The following PI4KA variants were observed in gnomAD, a reference collection of about 807,000 sequenced individuals.
The protein encoded by PI4KA is phosphatidylinositol 4-kinase alpha, also known as PI4-kinase alpha.
PI4KA carries 122 observed loss-of-function variants against 271.4 expected under a neutral mutation model. That is an observed-to-expected ratio of 0.45 (90% CI 0.39 to 0.52). PI4KA has a LOEUF of 0.52. Ranked by LOEUF, PI4KA falls within the 20% of genes least tolerant of loss-of-function variation. The pLI is 0.00. For synonymous variants in PI4KA, 1,041 were observed against 1,078.8 expected (o/e 0.96, Z 0.69); for missense variants, 1,969 against 2,769.1 (o/e 0.71, Z 6.48).
intron 1 of PI4KA, among the ~76,000 whole-genome samples, chr22:20,848,559 A>C (rs551951379): frequency 2.6e-5 from 4 of 152,200 alleles, no homozygotes; most frequent in Non-Finnish European, 5.9e-5. Flanking sequence ...ATTTTTGACA[A>C]GGGTTCCAGG....
At chr22:20,835,844 C>T (rs1313030402) in intron 2 of PI4KA, among the ~76,000 whole-genome samples, 2 of 151,984 alleles carry the variant, frequency 1.3e-5, no homozygotes, top group South Asian at 2.1e-4. Flanking sequence ...GTCAGGAGAT[C>T]GAGACCATCC....
At chr22:20,833,142 AT>A (rs1924405447) in intron 3 of PI4KA, among the ~76,000 whole-genome samples, 1 of 151,812 alleles carries the variant, frequency 6.6e-6, no homozygotes, top group Admixed American at 6.6e-5. Context: ...TTTCTGACAG[AT>A]TTTTGGGGGA....
Position 20,798,610 on chromosome 22 carries a change from G to T in PI4KA, c.2082C>A (p.Thr694=). 6.2e-7 allele frequency: 1 copy of T among 1,612,140 alleles called. No individual in the cohort carries two copies. The highest frequency in any genetic ancestry group is 8.5e-7 in the Non-Finnish European group (1 of 1,178,206). ...TATAGCCGTGGTCCTTGTAATCTTT[G>T]GTGGCTGAGTATACAACGGAGCTGG... ...VKASSVVYSA[T]KDYKDHGYRH... Residue 694 remains threonine (T), a synonymous_variant, in exon 17 of 55, where the codon ACC becomes ACA. Transcript: ENST00000255882.
At chr22:20,779,073 A>G in intron 19 of PI4KA, 1 of 1,028,028 alleles carries the variant, frequency 9.7e-7, no homozygotes. Context: ...GATTTTCATC[A>G]AGGGGCCCAC....
chr22:20,743,305 T>C (rs2147290192), intron 30 of PI4KA, among the ~76,000 whole-genome samples: 1 of 152,186 alleles, frequency 6.6e-6, no homozygotes, highest in Non-Finnish European at 1.5e-5. Flanking sequence ...CCACCACGCC[T>C]GGCTAATTTT....
chr22:20,744,777 T>C, intron 29 of PI4KA, 57 bp from the exon 30 acceptor site: 1 of 1,409,676 alleles, frequency 7.1e-7, no homozygotes, highest in South Asian at 1.2e-5. Flanking sequence ...TCCTCGTGTT[T>C]ACCATGGCTA....
chr22:20,798,356 A>G, intron 17 of PI4KA: 1 of 516,494 alleles, frequency 1.9e-6, no homozygotes. Flanking sequence ...CATGGGCCCA[A>G]TCAGAAGGAG....
chr22:20,833,839 T>C (rs1057461415), intron 3 of PI4KA, among the ~76,000 whole-genome samples: 24 of 151,924 alleles, frequency 1.6e-4, no homozygotes, highest in Non-Finnish European at 3.2e-4. Flanking sequence ...TTTGTACTTT[T>C]AGTAGAGATA....
At position 20,721,350 on chromosome 22, in the gene PI4KA, G is replaced by A; in HGVS notation, c.5064C>T (p.Ile1688=). Residue 1688 remains isoleucine (I), a synonymous_variant, in exon 43 of 55, where the codon ATC becomes ATT. Coordinates refer to ENST00000255882, the MANE Select transcript of PI4KA (RefSeq NM_058004.4). ...SKSQLLAHQF[I]WNMKTNIYLD... The stretch of plus-strand genomic sequence containing the variant: ...GATAAATGTTAGTCTTCATGTTCCA[G>A]ATGAACTGGTGTGCCAGAAGCTGGG... 6.2e-7 allele frequency: 1 copy of A among 1,613,892 alleles called. No individual in the cohort carries two copies. Among genetic ancestry groups the A allele is most frequent in the Non-Finnish European group, 8.5e-7 (1 of 1,179,770 alleles).
intron 19 of PI4KA, among the ~76,000 whole-genome samples, chr22:20,791,657 C>G (rs1022114057): frequency 6.6e-6 from 1 of 151,894 alleles, no homozygotes; most frequent in African/African-American, 2.4e-5. Context: ...ACTTGGAAGG[C>G]TGAGGTGGGA....
At chr22:20,802,148 A>G in intron 13 of PI4KA, 43 bp from the exon 14 acceptor site, 3 of 1,570,904 alleles carry the variant, frequency 1.9e-6, no homozygotes, top group Non-Finnish European at 2.6e-6. Flanking sequence ...TAGGCCTATC[A>G]TTTTCCATCA....
At chr22:20,743,039 T>A (rs1929650112) in intron 30 of PI4KA, 2 of 466,084 alleles carry the variant, frequency 4.3e-6, no homozygotes, top group African/African-American at 1.9e-5. Flanking sequence ...CTCATCATTG[T>A]ACCCAGCAGT....
intron 3 of PI4KA, 56 bp downstream of exon 3, chr22:20,834,506 G>A: frequency 9.7e-7 from 1 of 1,034,016 alleles, no homozygotes; most frequent in Non-Finnish European, 1.5e-6. Flanking sequence ...TGATCCTACA[G>A]ACACTGAACA....
intron 18 of PI4KA, 131 bp from the exon 19 acceptor site, chr22:20,793,374 C>CAGAG: frequency 1.8e-6 from 1 of 553,780 alleles, no homozygotes; most frequent in East Asian, 2.9e-5. Context: ...GAGAGATATG[C>CAGAG]AGAGAGAGGC....
intron 19 of PI4KA, among the ~76,000 whole-genome samples, chr22:20,785,399 G>A (rs1392853664): frequency 6.6e-6 from 1 of 152,090 alleles, no homozygotes; most frequent in Non-Finnish European, 1.5e-5. Context: ...GATCTTACTT[G>A]GTGCAAGGTA....
chr22:20,835,984 G>A (rs1042388872), intron 2 of PI4KA, among the ~76,000 whole-genome samples: 10 of 151,956 alleles, frequency 6.6e-5, no homozygotes, highest in Admixed American at 1.3e-4. Context: ...CCCAGGAGGC[G>A]GAGCTTGCAG....
At chr22:20,776,762 T>C (rs1366263502) in intron 19 of PI4KA, among the ~76,000 whole-genome samples, 7 of 152,078 alleles carry the variant, frequency 4.6e-5, no homozygotes, top group African/African-American at 1.4e-4. Flanking sequence ...ATATAAAATG[T>C]TGGGAGGATG....
At chr22:20,786,244 T>C in intron 19 of PI4KA, 2 of 1,342,048 alleles carry the variant, frequency 1.5e-6, no homozygotes, top group African/African-American at 1.4e-5. Context: ...CCCAATCTCA[T>C]GTCCCAGCTT....
At chr22:20,774,596 A>C (rs1196006730) in intron 19 of PI4KA, among the ~76,000 whole-genome samples, 2 of 152,154 alleles carry the variant, frequency 1.3e-5, no homozygotes, top group Non-Finnish European at 2.9e-5. Flanking sequence ...CCAAGTCTCT[A>C]CTAAAAATAC....
Sources: gnomAD v4.1 joint callset for allele counts (sites outside exome capture counted in the v4.1 genomes callset) on GRCh38, gnomAD v4.1.1 for gene constraint, MANE v1.5 for transcripts, NCBI Gene and HGNC (gene_info 2026-07-23, HGNC 2026-07-21) for gene names.